Variants in SRD5A2 observed in about 807,000 individuals in gnomAD.
The protein encoded by SRD5A2 is steroid 5 alpha-reductase 2.
Under a neutral mutation model 27.4 loss-of-function variants are expected in SRD5A2, and 30 were observed. The observed-to-expected ratio is 1.10, with a 90% CI of 0.82 to 1.49. SRD5A2 has a LOEUF of 1.49. Among genes scored for constraint, SRD5A2 ranks in the 40% most tolerant of loss-of-function variants. SRD5A2 has a pLI of 0.00. For synonymous variants in SRD5A2, 141 were observed against 133.6 expected, an observed-to-expected ratio of 1.06 and a Z score of -0.38; for missense variants, 348 against 323.4, an observed-to-expected ratio of 1.08 and a Z score of -0.58.
At chr2:31,614,424 G>A in the SRD5A2 span, among the ~76,000 whole-genome samples, 3 of 152,210 alleles carry the variant, frequency 2.0e-5, no homozygotes, top group Non-Finnish European at 2.9e-5. Context: ...GTGGCCTTGG[G>A]CAGCTCTGCC....
chr2:31,607,179 T>C, the SRD5A2 span, among the ~76,000 whole-genome samples: 1 of 152,036 alleles, frequency 6.6e-6, no homozygotes, highest in Non-Finnish European at 1.5e-5. Flanking sequence ...CAGTCAAATG[T>C]ATATGTAGCT....
the SRD5A2 span, among the ~76,000 whole-genome samples, chr2:31,630,807 A>T: frequency 5.9e-5 from 9 of 152,236 alleles, no homozygotes; most frequent in Admixed American, 3.9e-4. Flanking sequence ...TTAACCCAGC[A>T]GATTTCCTAA....
chr2:31,662,375 A>T, the SRD5A2 span, among the ~76,000 whole-genome samples: 1 of 152,102 alleles, frequency 6.6e-6, no homozygotes, highest in African/African-American at 2.4e-5. Context: ...TCTGGAGCAT[A>T]GTGGTGAATT....
Position 31,549,081 on chromosome 2 carries a change from AATTATTATTATT to A in SRD5A2, c.282-15327_282-15316del, listed in dbSNP as rs71405576. Among the ~76,000 whole-genome samples the A allele has an allele frequency of 6.9e-3, 900 of 131,372 alleles. 15 individuals are homozygous for A. The highest frequency in any genetic ancestry group is 0.023 in the African/African-American group (805 of 35,180). The allele number at this position is 131,372 out of a possible 152,430, so 86.2% of individuals were successfully genotyped here. A position where few individuals can be genotyped will look rare whatever the true frequency, so the allele number is the denominator to read the frequency against. On this transcript the variant is annotated intron_variant, in intron 1 of 4. Coordinates refer to ENST00000622030, the MANE Select transcript of SRD5A2 (RefSeq NM_000348.4). ...GCTTCCAGGGGCTGGAAGTAGAGGGAATTATTATTATTATTATTATTATTATTATTATTATTA... is the reference window on the plus strand; with the variant it reads ...GCTTCCAGGGGCTGGAAGTAGAGGGAATTATTATTATTATTATTATTATTA...
At chr2:31,627,463 T>C in the SRD5A2 span, among the ~76,000 whole-genome samples, 1 of 151,636 alleles carries the variant, frequency 6.6e-6, no homozygotes, top group Non-Finnish European at 1.5e-5. Flanking sequence ...TGTGTCTTAA[T>C]TTCCTTCAGT....
At chr2:31,607,687 T>C in the SRD5A2 span, among the ~76,000 whole-genome samples, 1 of 152,064 alleles carries the variant, frequency 6.6e-6, no homozygotes, top group South Asian at 2.1e-4. Flanking sequence ...CAGCAAAAAT[T>C]GCAGAGCATC....
At chr2:31,586,568 G>T in the SRD5A2 span, among the ~76,000 whole-genome samples, 1 of 94 alleles carries the variant, frequency 0.011, no homozygotes, top group African/African-American at 0.045. Context: ...GACTCTGTTT[G>T]GGAGAAGTAA....
chr2:31,544,921 A>G (rs1195466082), intron 1 of SRD5A2, among the ~76,000 whole-genome samples: 1 of 151,916 alleles, frequency 6.6e-6, no homozygotes, highest in Non-Finnish European at 1.5e-5. Flanking sequence ...ACTATGAACA[A>G]TTGTACCCCC....
the SRD5A2 span, among the ~76,000 whole-genome samples, chr2:31,655,461 G>A: frequency 1.3e-5 from 2 of 152,220 alleles, no homozygotes; most frequent in African/African-American, 2.4e-5. Flanking sequence ...TCCAGGCAGA[G>A]GATGGGAAGT....
At chr2:31,595,004 G>A in the SRD5A2 span, among the ~76,000 whole-genome samples, 1 of 152,090 alleles carries the variant, frequency 6.6e-6, no homozygotes, top group Non-Finnish European at 1.5e-5. Context: ...TAAATTCCTT[G>A]ATCTGAAAGA....
intron 1 of SRD5A2, among the ~76,000 whole-genome samples, chr2:31,573,629 G>A (rs879384877): frequency 1.1e-4 from 16 of 152,298 alleles, no homozygotes; most frequent in African/African-American, 3.9e-4. Flanking sequence ...CTTCATTAGA[G>A]CATCACTGCA....
At chr2:31,588,917 C>T in the SRD5A2 span, among the ~76,000 whole-genome samples, 2 of 152,224 alleles carry the variant, frequency 1.3e-5, no homozygotes, top group South Asian at 2.1e-4. Flanking sequence ...TGTGTGGAGA[C>T]TCACACTGTG....
the SRD5A2 span, among the ~76,000 whole-genome samples, chr2:31,599,297 A>G: frequency 6.6e-6 from 1 of 152,064 alleles, no homozygotes; most frequent in African/African-American, 2.4e-5. Flanking sequence ...AATCTACACT[A>G]TAGACCAAAA....
the SRD5A2 span, among the ~76,000 whole-genome samples, chr2:31,636,306 G>A: frequency 4.6e-5 from 7 of 151,974 alleles, no homozygotes; most frequent in Non-Finnish European, 8.8e-5. Context: ...TGTCATAAAT[G>A]AGGTTGCATT....
the SRD5A2 span, among the ~76,000 whole-genome samples, chr2:31,631,313 A>G: frequency 1.3e-5 from 2 of 152,216 alleles, no homozygotes; most frequent in Non-Finnish European, 2.9e-5. Context: ...AAACAGGTGC[A>G]GGACTGCTAC....
chr2:31,568,505 T>TA (rs1219980596), intron 1 of SRD5A2, among the ~76,000 whole-genome samples: 1 of 152,126 alleles, frequency 6.6e-6, no homozygotes, highest in Non-Finnish European at 1.5e-5. Context: ...CCAGAGTTTT[T>TA]ATAGCCTCAG....
At chr2:31,529,160 T>C in intron 4 of SRD5A2, 147 bp downstream of exon 4, 1 of 1,190,456 alleles carries the variant, frequency 8.4e-7, no homozygotes, top group Non-Finnish European at 1.2e-6. Context: ...GCCCAGCAAG[T>C]CAGAATATGC....
chr2:31,630,302 A>G, the SRD5A2 span, among the ~76,000 whole-genome samples: 1 of 152,166 alleles, frequency 6.6e-6, no homozygotes, highest in Non-Finnish European at 1.5e-5. Flanking sequence ...AGATACAGAG[A>G]GAGAGAGACA....
Position 31,576,018 on chromosome 2 carries a change from C to T in SRD5A2, c.281+4602G>A, listed in dbSNP as rs946328038. On this transcript the variant is annotated intron_variant, in intron 1 of 4. Coordinates refer to ENST00000622030, the MANE Select transcript of SRD5A2 (RefSeq NM_000348.4). Reference sequence around the variant, plus strand: ...GAGATGGATGGATTAAAGATTTAAACGTTAGACCTAAAACCATAAAAACCC... The same window carrying T: ...GAGATGGATGGATTAAAGATTTAAATGTTAGACCTAAAACCATAAAAACCC... Among the ~76,000 whole-genome samples the T allele has an allele frequency of 1.1e-3, 171 of 152,064 alleles. 1 individual carries two copies. The highest frequency in any genetic ancestry group is 3.9e-3 in the African/African-American group (163 of 41,464).
Sources: gnomAD v4.1 joint callset for allele counts (sites outside exome capture counted in the v4.1 genomes callset) on GRCh38, gnomAD v4.1.1 for gene constraint, MANE v1.5 for transcripts, NCBI Gene and HGNC (gene_info 2026-07-23, HGNC 2026-07-21) for gene names.